The following PCDH11X variants were observed in gnomAD, a reference collection of about 807,000 sequenced individuals.
PCDH11X encodes the protein protocadherin-11 X-linked.
In PCDH11X, 18 loss-of-function variants were observed where a neutral mutation model predicts 53.3. The ratio of observed to expected loss-of-function variants is 0.34; its 90% CI spans 0.23 to 0.50. The LOEUF (loss-of-function observed/expected upper bound fraction) is 0.50, where lower values mean the gene tolerates loss of function less well. Among genes scored for constraint, PCDH11X ranks in the 20% least tolerant of loss-of-function variants. The pLI, the probability that PCDH11X is intolerant of heterozygous loss-of-function variation, is 0.98. For synonymous variants in PCDH11X, 279 were observed against 393.3 expected (o/e 0.71, Z 3.44); for missense variants, 570 against 1,032.4 (o/e 0.55, Z 6.14).
At chrX:92,234,775 T>C (rs2067140843) in intron 7 of PCDH11X, among the ~76,000 whole-genome samples, 1 of 111,294 alleles carries the variant, frequency 9.0e-6, no homozygotes, top group Admixed American at 9.6e-5. Context: ...TTTTCTTATA[T>C]TAATAAGAAC....
intron 8 of PCDH11X, among the ~76,000 whole-genome samples, chrX:92,351,313 C>T (rs1357166179): frequency 9.0e-6 from 1 of 111,586 alleles, no homozygotes; most frequent in Non-Finnish European, 1.9e-5. Context: ...AATAAGTCAT[C>T]CAAGAATGAC....
chrX:91,902,304 G>A (rs1032647542), intron 6 of PCDH11X, among the ~76,000 whole-genome samples: 1 of 109,545 alleles, frequency 9.1e-6, no homozygotes, highest in African/African-American at 3.3e-5. Flanking sequence ...AGTTAGCAGT[G>A]GCCTCCTATT....
intron 6 of PCDH11X, among the ~76,000 whole-genome samples, chrX:92,103,101 G>T (rs1458140951): frequency 9.1e-6 from 1 of 110,311 alleles, no homozygotes; most frequent in Non-Finnish European, 1.9e-5. Context: ...AAGGTGGGGG[G>T]ATATGAGAGG....
At chrX:92,064,377 A>G (rs1370764123) in intron 6 of PCDH11X, among the ~76,000 whole-genome samples, 2 of 110,186 alleles carry the variant, frequency 1.8e-5, no homozygotes, top group Non-Finnish European at 1.9e-5. Flanking sequence ...ATACAATACA[A>G]TGCACCAATT....
intron 7 of PCDH11X, 131 bp from the exon 8 acceptor site, chrX:92,262,983 G>A (rs922336130): frequency 8.4e-6 from 9 of 1,070,286 alleles, no homozygotes; most frequent in Admixed American, 7.6e-5. Context: ...GTGTACCATT[G>A]CACTGGGAAT....
chrX:92,360,681 T>A (rs148553320), intron 8 of PCDH11X, among the ~76,000 whole-genome samples: 492 of 111,239 alleles, frequency 4.4e-3, no homozygotes, highest in African/African-American at 0.014. Context: ...TTTTACTACA[T>A]CATACATATT....
At chrX:92,474,051 G>A (rs772789901) in intron 10 of PCDH11X, among the ~76,000 whole-genome samples, 117 of 111,010 alleles carry the variant, frequency 1.1e-3, no homozygotes, top group African/African-American at 2.5e-3. Context: ...AAAGTGTGGC[G>A]TTTAAGTCTC....
chrX:91,884,751 T>G (rs1940121650), intron 6 of PCDH11X, among the ~76,000 whole-genome samples: 2 of 111,261 alleles, frequency 1.8e-5, no homozygotes, highest in African/African-American at 6.5e-5. Flanking sequence ...TTTATTGGGA[T>G]AAAAAGGGAG....
rs1260272059 is a variant in PCDH11X at position 92,201,436 on chromosome X, G to A, written c.3095G>A (p.Trp1032Ter). ...AAAGAGTCTACAACTATGGAGATCT[G>A]GATTCATCCCCAACCACAGGTATGG... ...PMKESTTMEIWIHPQPQRKSE... is the reference protein window; with the variant it reads ...PMKESTTMEI Residue 1032 changes from tryptophan to a stop codon, truncating the protein, a stop_gained, in exon 7 of 11, where the codon TGG (tryptophan) becomes TAG (stop). Transcript: ENST00000682573. LOFTEE classifies it high-confidence loss of function. The A allele has an allele frequency of 8.4e-7, 1 of 1,192,556 alleles. No individual in the cohort carries two copies. The highest frequency in any genetic ancestry group is 1.1e-6 in the Non-Finnish European group (1 of 881,975).
chrX:92,341,056 C>T (rs2069745591), intron 8 of PCDH11X, among the ~76,000 whole-genome samples: 2 of 111,271 alleles, frequency 1.8e-5, no homozygotes, highest in Non-Finnish European at 3.8e-5. Context: ...TACTCTATAT[C>T]ATCATTCTCA....
chrX:92,068,178 C>A (rs1269121397), intron 6 of PCDH11X, among the ~76,000 whole-genome samples: 13 of 107,880 alleles, frequency 1.2e-4, no homozygotes, highest in Admixed American at 2.0e-4. Context: ...TTATTAATTT[C>A]TTTTCTTCTA....
At chrX:91,805,542 C>T (rs376868345) in intron 1 of PCDH11X, among the ~76,000 whole-genome samples, 2 of 111,335 alleles carry the variant, frequency 1.8e-5, no homozygotes. Flanking sequence ...AGGCTAGGCA[C>T]GGTGGCTCAT....
Position 92,378,294 on chromosome X carries a change from A to T in PCDH11X, c.3145-9441A>T, listed in dbSNP as rs184424832. On this transcript the variant is annotated intron_variant, in intron 8 of 10. Transcript: ENST00000682573. ...AATGAGTGTCAGGGTAAGAGATGTG[A>T]TTAAATATAATATTGTGGCAAAAGG... is the stretch of plus-strand genomic sequence containing the variant. 8.2e-3 allele frequency among the ~76,000 whole-genome samples: 894 copies of T among 108,734 alleles called. 14 individuals carry two copies. The highest frequency in any genetic ancestry group is 0.029 in the African/African-American group (862 of 29,903). 94.4% of individuals were successfully genotyped at this position (108,734 alleles called of 115,157 possible).
At chrX:92,108,552 G>A (rs1244296481) in intron 6 of PCDH11X, among the ~76,000 whole-genome samples, 1 of 110,691 alleles carries the variant, frequency 9.0e-6, no homozygotes, top group Non-Finnish European at 1.9e-5. Context: ...TCAATATAAT[G>A]TTTCACCATT....
At chrX:92,086,781 T>A (rs752987286) in intron 6 of PCDH11X, among the ~76,000 whole-genome samples, 5 of 110,717 alleles carry the variant, frequency 4.5e-5, no homozygotes, top group African/African-American at 1.3e-4. Context: ...GGGAGACACA[T>A]GAGGGGAGAC....
At chrX:92,496,940 A>C (rs990049260) in intron 10 of PCDH11X, among the ~76,000 whole-genome samples, 39 of 110,243 alleles carry the variant, frequency 3.5e-4, no homozygotes, top group African/African-American at 1.3e-3. Context: ...TGGCCAAATT[A>C]CTTGAGACTC....
At chrX:92,233,140 T>C (rs1293316139) in intron 7 of PCDH11X, among the ~76,000 whole-genome samples, 1 of 13,281 alleles carries the variant, frequency 7.5e-5, no homozygotes, top group East Asian at 0.011. Flanking sequence ...CCTCAGTCGA[T>C]TGTACTCTTA....
At chrX:92,192,864 G>A (rs991165501) in intron 6 of PCDH11X, among the ~76,000 whole-genome samples, 3 of 110,838 alleles carry the variant, frequency 2.7e-5, no homozygotes, top group East Asian at 2.9e-4. Context: ...TCAGCCTCCC[G>A]AGTAACTGGG....
intron 6 of PCDH11X, among the ~76,000 whole-genome samples, chrX:92,184,550 G>A (rs2066057145): frequency 9.0e-6 from 1 of 111,513 alleles, no homozygotes; most frequent in Non-Finnish European, 1.9e-5. Flanking sequence ...AAAGAATAAA[G>A]CTGGAGGTAT....
Sources: allele counts gnomAD v4.1 joint callset (sites outside exome capture counted in the v4.1 genomes callset), GRCh38; gene constraint gnomAD v4.1.1; transcripts MANE v1.5; gene names NCBI Gene and HGNC (gene_info 2026-07-23, HGNC 2026-07-21).